Variants in SFTPB observed in about 807,000 individuals in gnomAD.
The protein encoded by SFTPB is pulmonary surfactant-associated protein B.
A neutral mutation model predicts 51.0 loss-of-function variants in SFTPB; 32 were observed. That is an observed-to-expected ratio of 0.63 (90% confidence interval 0.47 to 0.84). The LOEUF is 0.84. SFTPB is among the 40% of genes least tolerant of loss of function. The probability of loss-of-function intolerance (pLI) is 0.00; values close to 1 mark genes in which losing one functional copy is unlikely to be tolerated. For missense variants in SFTPB, 431 were observed against 491.2 expected (o/e 0.88, Z 1.16); for synonymous variants, 211 against 208.5 (o/e 1.01, Z -0.10).
chr2:85,663,598 A>AT, intron 7 of SFTPB, 66 bp downstream of exon 7: 2 of 1,594,128 alleles, frequency 1.3e-6, no homozygotes, highest in Non-Finnish European at 1.7e-6. Flanking sequence ...GGAGAGGGTC[A>AT]TGCAGTGGCA....
chr2:85,663,871 CA>C, intron 6 of SFTPB, 24 bp from the exon 7 acceptor site: 1 of 1,561,738 alleles, frequency 6.4e-7, no homozygotes, highest in Non-Finnish European at 8.6e-7. Context: ...GGAGAGAGGC[CA>C]GCATGGGACC....
chr2:85,661,426 C>T (rs1026151966), intron 10 of SFTPB, 28 bp downstream of exon 10: 4 of 1,524,210 alleles, frequency 2.6e-6, no homozygotes, highest in Non-Finnish European at 3.6e-6. Context: ...GCCCCCTTAC[C>T]TCCCCGCAAC....
At chr2:85,665,200 G>A (rs1270639298) in intron 6 of SFTPB, 89 bp downstream of exon 6, 18 of 1,009,908 alleles carry the variant, frequency 1.8e-5, no homozygotes, top group East Asian at 2.4e-5. Flanking sequence ...GGGTCCTGAC[G>A]GGGGTGTGAG....
In SFTPB at chr2:85,663,967, C is replaced by A. The variant is rs1177038081; in HGVS notation, c.673-120G>T. The A allele has an allele frequency of 3.2e-6, 3 of 937,796 alleles. No homozygotes were observed. The East Asian group carries it at 7.9e-5, about 25-fold the overall frequency. The allele number at this position is 937,796 out of a possible 1,614,324, so 58.1% of individuals were successfully genotyped here. On this transcript the variant is annotated intron_variant, in intron 6 of 10. Coordinates refer to ENST00000519937, the MANE Select transcript of SFTPB (RefSeq NM_000542.5). ...CCTCATTCTCTTCTAGAAGGGAGGG[C>A]AAGGCTATTCACAAATAAGGACACT...
upstream of SFTPB, chr2:85,668,622 C>T (rs1677771762): frequency 4.9e-6 from 1 of 203,252 alleles, no homozygotes; most frequent in African/African-American, 2.3e-5. Context: ...GGCTCTTAAC[C>T]CAGGGCAAGC....
chr2:85,666,493 C>CTGTGTGTGTGTG, intron 4 of SFTPB, 124 bp downstream of exon 4: 7 of 739,048 alleles, frequency 9.5e-6, no homozygotes, highest in South Asian at 6.9e-5. Flanking sequence ...GGCTTGGGTG[C>CTGTGTGTGTGTG]TGTGTGTGTG....
At chr2:85,660,443 C>CT in intron 10 of SFTPB, among the ~76,000 whole-genome samples, 1 of 101,004 alleles carries the variant, frequency 9.9e-6, no homozygotes, top group African/African-American at 5.3e-5. Context: ...CAAAGAAATA[C>CT]CTTTTTTTTT....
At chr2:85,665,965 G>A (rs1270991305) in intron 4 of SFTPB, among the ~76,000 whole-genome samples, 171 bp from the exon 5 acceptor site, 1 of 152,118 alleles carries the variant, frequency 6.6e-6, no homozygotes, top group African/African-American at 2.4e-5. Flanking sequence ...GGGCTGTGTG[G>A]GGACTTTAGG....
At position 85,665,645 on chromosome 2, in the gene SFTPB, C is replaced by T. The variant is rs767932734; in HGVS notation, c.543G>A (p.Leu181=). Residue 181 remains leucine (L), a synonymous_variant, in exon 5 of 11, where the codon CTG becomes CTA. Coordinates refer to ENST00000519937, the MANE Select transcript of SFTPB (RefSeq NM_000542.5). The part of the protein sequence containing the change: ...PLLDKLVLPV[L]PGALQARPGP... ...CAGGCCTCGCCTGGAGGGCCCCGGG[C>T]AGCACAGGGAGGACGAGCTTGTCCA... The T allele has an allele frequency of 1.2e-6, 2 of 1,614,096 alleles. No homozygotes were observed. Among genetic ancestry groups the T allele is most frequent in the Non-Finnish European group, 8.5e-7 (1 of 1,180,040 alleles).
At chr2:85,665,842 C>A (rs1240672412) in intron 4 of SFTPB, 48 bp from the exon 5 acceptor site, 2 of 1,587,866 alleles carry the variant, frequency 1.3e-6, no homozygotes. Flanking sequence ...GAGGGAAGCC[C>A]ACCCCTATTC....
At position 85,658,720 on chromosome 2, in the gene SFTPB, C is replaced by T. The variant is rs1194632206; in HGVS notation, c.*982G>A. The stretch of plus-strand genomic sequence containing the variant: ...TGTATTTTTAGTAGAAATGGGGTTT[C>T]ACCATGTTGGCGAGGCTGGTCTCGA... On this transcript the variant is annotated 3_prime_UTR_variant, in exon 11 of 11. Coordinates refer to ENST00000519937, the MANE Select transcript of SFTPB (RefSeq NM_000542.5). The T allele has an allele frequency of 6.6e-6, 1 of 152,032 alleles. No individual in the cohort carries two copies. 9.4% of individuals were successfully genotyped at this position (152,032 alleles called of 1,614,324 possible). A position where few individuals can be genotyped will look rare whatever the true frequency, so the allele number is the denominator to read the frequency against.
intron 2 of SFTPB, 42 bp from the exon 3 acceptor site, chr2:85,667,219 G>A (rs542971553): frequency 2.1e-6 from 3 of 1,461,752 alleles, no homozygotes; most frequent in South Asian, 1.1e-5. Context: ...ACATGAGTGG[G>A]GGAGGCTCCC....
intron 3 of SFTPB, 83 bp downstream of exon 3, chr2:85,667,023 C>T: frequency 1.5e-6 from 2 of 1,292,386 alleles, no homozygotes; most frequent in East Asian, 2.3e-5. Context: ...CTGGAAATGG[C>T]CCCTTTAGGG....
chr2:85,667,344 C>T (rs916641907), intron 2 of SFTPB, among the ~76,000 whole-genome samples, 167 bp from the exon 3 acceptor site: 1 of 152,054 alleles, frequency 6.6e-6, no homozygotes, highest in African/African-American at 2.4e-5. Flanking sequence ...TCCCATCCAT[C>T]TCTTCTATTC....
At chr2:85,661,972 G>T in intron 9 of SFTPB, 57 bp downstream of exon 9, 2 of 1,522,884 alleles carry the variant, frequency 1.3e-6, no homozygotes, top group Middle Eastern at 4.2e-4. Flanking sequence ...GGCCCAAAGG[G>T]TGGGGGCTCT....
In SFTPB at chr2:85,667,721, G is replaced by A; in HGVS notation, c.153C>T (p.Ala51=). 1 of 1,614,226 alleles carries A rather than the reference G, an allele frequency of 6.2e-7. No individual in the cohort carries two copies. The highest frequency in any genetic ancestry group is 8.5e-7 in the Non-Finnish European group (1 of 1,180,038). ...AGACTTCCTGTAGGCAATGCCCTAG[G>A]GCTCTGCACTGCAATGCTTGCTCCA... ...QSLEQALQCR[A]LGHCLQEVWG... is the part of the protein sequence containing the mutation. Residue 51 remains alanine, a synonymous_variant, in exon 2 of 11, where the codon GCC becomes GCT. Transcript: ENST00000519937.
rs1054838532 is a variant in SFTPB at position 85,658,056 on chromosome 2, T to C, written c.*1646A>G. ...CAGGAACTGGCTATTTTCACTTCTT[T>C]TGTGGATCTTCAGTTGCTTCAGGCC... On this transcript the variant is annotated 3_prime_UTR_variant, in exon 11 of 11. Transcript: ENST00000519937. 2 of 152,248 alleles carry C rather than the reference T, an allele frequency of 1.3e-5. No homozygotes were observed. The highest frequency in any genetic ancestry group is 2.4e-5 in the African/African-American group (1 of 41,428). 9.4% of individuals were successfully genotyped at this position (152,248 alleles called of 1,614,324 possible).
At chr2:85,661,564 G>C in intron 9 of SFTPB, 29 bp from the exon 10 acceptor site, 2 of 1,587,916 alleles carry the variant, frequency 1.3e-6, no homozygotes, top group Non-Finnish European at 1.7e-6. Flanking sequence ...CAGGGCTGAG[G>C]CCTGGGCCCC....
Position 85,662,046 on chromosome 2 carries a change from C to T in SFTPB, c.1066G>A (p.Ala356Thr), listed in dbSNP as rs1677332442. Residue 356 changes from alanine to threonine, a missense_variant, in exon 9 of 11, where the codon GCC (alanine) becomes ACC (threonine). Ala to Thr is a moderately conservative substitution (Grantham distance 58). Coordinates refer to ENST00000519937, the MANE Select transcript of SFTPB (RefSeq NM_000542.5). ...LLTLVPRGWD[A>T]HTTCQALGVC... ...GGGTGTACCTGGCAGGTGGTGTGGG[C>T]ATCCCAGCCCCTGGGCACCAGGGTC... The T allele has an allele frequency of 6.3e-7, 1 of 1,599,592 alleles. No individual in the cohort carries two copies. Among genetic ancestry groups the T allele is most frequent in the African/African-American group, 1.3e-5 (1 of 74,972 alleles).
Sources: allele counts gnomAD v4.1 joint callset (sites outside exome capture counted in the v4.1 genomes callset), GRCh38; gene constraint gnomAD v4.1.1; transcripts MANE v1.5; gene names NCBI Gene and HGNC (gene_info 2026-07-23, HGNC 2026-07-21).